Variants in LARS1 observed in about 807,000 individuals in gnomAD.
LARS1 encodes the protein leucyl-tRNA synthetase 1.
Under a neutral mutation model 162.8 loss-of-function variants are expected in LARS1, and 100 were observed. The ratio of observed to expected loss-of-function variants is 0.61; its 90% confidence interval spans 0.52 to 0.73. LARS1 has a LOEUF of 0.73. Among genes scored for constraint, LARS1 ranks in the 30% least tolerant of loss-of-function variants. The pLI is 0.00. For synonymous variants in LARS1, 457 were observed against 462.8 expected (o/e 0.99, Z 0.16); for missense variants, 1,258 against 1,408.9 (o/e 0.89, Z 1.71).
At chr5:146,135,978 A>C (rs949023938) in intron 21 of LARS1, among the ~76,000 whole-genome samples, 2 of 152,186 alleles carry the variant, frequency 1.3e-5, no homozygotes, top group Non-Finnish European at 2.9e-5. Context: ...ACTCTAGAAC[A>C]CCACCTGGTT....
chr5:146,179,483 T>C (rs1017841600), intron 1 of LARS1, among the ~76,000 whole-genome samples: 1 of 152,072 alleles, frequency 6.6e-6, no homozygotes, highest in African/African-American at 2.4e-5. Context: ...ATTTCTAATA[T>C]TTTTACAGAG....
At chr5:146,130,197 C>T (rs548773989) in intron 24 of LARS1, 39 bp from the exon 25 acceptor site, 2 of 1,587,374 alleles carry the variant, frequency 1.3e-6, no homozygotes, top group Non-Finnish European at 8.6e-7. Flanking sequence ...CCCTCACCTT[C>T]TTTAAAATAA....
At chr5:146,114,594 G>A (rs949148397) in intron 31 of LARS1, among the ~76,000 whole-genome samples, 5 of 151,794 alleles carry the variant, frequency 3.3e-5, no homozygotes, top group Admixed American at 6.6e-5. Flanking sequence ...AAATTAGCTG[G>A]GCCTGGTGAT....
In LARS1 at chr5:146,128,971, A is replaced by T. The variant is rs201994812; in HGVS notation, c.2769+7T>A. 6.2e-5 allele frequency: 97 copies of T among 1,573,842 alleles called. No homozygotes were observed. Among genetic ancestry groups the T allele is most frequent in the Admixed American group, 1.1e-4 (5 of 47,096 alleles). On this transcript the variant is annotated splice_region_variant and intron_variant, in intron 26 of 31. Transcript: ENST00000394434. ...ATCCTTTAAAAAAAAAAACAAAAAA[A>T]CTTTACCTTCCCTTTAGCTGGCATC...
At chr5:146,148,831 T>C (rs1018859409) in intron 15 of LARS1, among the ~76,000 whole-genome samples, 2 of 151,974 alleles carry the variant, frequency 1.3e-5, no homozygotes, top group Non-Finnish European at 2.9e-5. Flanking sequence ...ATCCCAGCAC[T>C]TTGGGAGGCC....
intron 6 of LARS1, among the ~76,000 whole-genome samples, chr5:146,161,753 CA>C (rs202231403): frequency 2.6e-3 from 340 of 130,090 alleles, no homozygotes; most frequent in Middle Eastern, 0.013. Flanking sequence ...AACTCCATCT[CA>C]AAAAAAAAAA....
chr5:146,164,436 G>A lies in LARS1; in HGVS notation c.468C>T (p.Tyr156=). 1 of 1,613,922 alleles carries A rather than the reference G, an allele frequency of 6.2e-7. No homozygotes were observed. ...KAAAKAGSSK[Y]QWGIMKSLGL... ...CAAGGGATTTCATAATGCCCCACTG[G>A]TATTTAGAAGATCCAGCTTTAGCAG... The change falls in exon 6 of 32, where the codon TAC becomes TAT. Residue 156 remains tyrosine, a synonymous_variant. Transcript: ENST00000394434.
chr5:146,121,530 T>C (rs753127838), intron 30 of LARS1, among the ~76,000 whole-genome samples: 3 of 152,102 alleles, frequency 2.0e-5, no homozygotes, highest in Non-Finnish European at 4.4e-5. Flanking sequence ...GGCACACATA[T>C]GTTTACTGCA....
chr5:146,130,189 C>T, intron 24 of LARS1, 31 bp from the exon 25 acceptor site: 1 of 1,599,188 alleles, frequency 6.3e-7, no homozygotes, highest in East Asian at 2.2e-5. Flanking sequence ...TACCATTTCC[C>T]TCACCTTCTT....
chr5:146,164,199 C>T, intron 6 of LARS1, 111 bp downstream of exon 6: 1 of 1,121,292 alleles, frequency 8.9e-7, no homozygotes, highest in Non-Finnish European at 1.3e-6. Flanking sequence ...AGGGTTGCCA[C>T]AAATCTTCAA....
At chr5:146,147,317 T>C (rs1753055464) in intron 15 of LARS1, among the ~76,000 whole-genome samples, 1 of 151,682 alleles carries the variant, frequency 6.6e-6, no homozygotes, top group African/African-American at 2.4e-5. Context: ...CCTGTAGTCC[T>C]AGCCACTCAA....
rs202210415 is a variant in LARS1 at position 146,132,815 on chromosome 5, AAG to A, written c.2396+81_2396+82del. On this transcript the variant is annotated intron_variant, in intron 23 of 31. Coordinates refer to ENST00000394434, the MANE Select transcript of LARS1 (RefSeq NM_020117.11). ...TTAGTTTATTTTATTAAAAAAAAAAAAGAAAAGAAAAGAAAAAGAAAACAAAA... is the reference window on the plus strand; with the variant it reads ...TTAGTTTATTTTATTAAAAAAAAAAAAAAAGAAAAGAAAAAGAAAACAAAA... 0.2 allele frequency: 192,346 copies of A among 955,226 alleles called. 11,481 individuals are homozygous for A. Among genetic ancestry groups the A allele is most frequent in the Admixed American group, 0.3 (10,724 of 36,248 alleles). The allele number at this position is 955,226 out of a possible 1,614,324, so 59.2% of individuals were successfully genotyped here.
intron 17 of LARS1, 28 bp downstream of exon 17, chr5:146,144,444 C>G (rs774267116): frequency 6.2e-7 from 1 of 1,603,088 alleles, no homozygotes; most frequent in Non-Finnish European, 8.5e-7. Context: ...TCTCCTTTTT[C>G]CTCCTTCATC....
rs559062119 is a variant in LARS1 at position 146,177,240 on chromosome 5, G to C, written c.125+307C>G. ...CCAGGACTTTGGGAGGCCGAGGCGG[G>C]TGGATCACGAGGTCAGAAGATCGAG... On this transcript the variant is annotated intron_variant, in intron 2 of 31. Coordinates refer to ENST00000394434, the MANE Select transcript of LARS1 (RefSeq NM_020117.11). Among the ~76,000 whole-genome samples the C allele has an allele frequency of 2.0e-5, 3 of 152,058 alleles. No individual in the cohort carries two copies. The South Asian group carries it at 6.2e-4, about 32-fold the overall frequency.
intron 16 of LARS1, 30 bp downstream of exon 16, chr5:146,144,594 A>G (rs762767324): frequency 6.2e-7 from 1 of 1,612,408 alleles, no homozygotes; most frequent in Admixed American, 1.7e-5. Flanking sequence ...CAAATTGACT[A>G]GGGGAATTTT....
At chr5:146,176,971 A>T (rs1000346860) in intron 2 of LARS1, among the ~76,000 whole-genome samples, 1 of 152,212 alleles carries the variant, frequency 6.6e-6, no homozygotes, top group Non-Finnish European at 1.5e-5. Context: ...AAATATTTAA[A>T]ATACTGTAGT....
At chr5:146,176,228 C>T (rs1302467698) in intron 2 of LARS1, among the ~76,000 whole-genome samples, 3 of 151,620 alleles carry the variant, frequency 2.0e-5, no homozygotes, top group Non-Finnish European at 2.9e-5. Context: ...CTGAGGTGGG[C>T]GGATCACGAG....
chr5:146,182,627 G>T lies in LARS1; in HGVS notation c.-134C>A. 1 of 1,209,230 alleles carries T rather than the reference G, an allele frequency of 8.3e-7. No homozygotes were observed. Among genetic ancestry groups the T allele is most frequent in the Non-Finnish European group, 1.2e-6 (1 of 822,390 alleles). The allele number at this position is 1,209,230 out of a possible 1,614,324, so 74.9% of individuals were successfully genotyped here. A position where few individuals can be genotyped will look rare whatever the true frequency, so the allele number is the denominator to read the frequency against. On this transcript the variant is annotated 5_prime_UTR_variant, in exon 1 of 32. An upstream open reading frame in the 5' UTR gains an earlier in-frame stop. Transcript: ENST00000394434. ...CTAAAGCACACGCTTCACACCTGCT[G>T]AGGCAATCATCCGGCTCCTTACTAA... is the stretch of plus-strand genomic sequence containing the variant.
In LARS1 at chr5:146,131,010, A is replaced by G; in HGVS notation, c.2487+9T>C. 6.7e-7 allele frequency: 1 copy of G among 1,503,102 alleles called. No homozygotes were observed. The highest frequency in any genetic ancestry group is 2.3e-5 in the East Asian group (1 of 43,732). The allele number at this position is 1,503,102 out of a possible 1,614,324, so 93.1% of individuals were successfully genotyped here. A position where few individuals can be genotyped will look rare whatever the true frequency, so the allele number is the denominator to read the frequency against. ...TGTTTTATAGCTACCAAAAGAATCA[A>G]CAGCCTACCTGAAACTCAAAAAACC... On this transcript the variant is annotated intron_variant, in intron 24 of 31. Transcript: ENST00000394434.
Sources: gnomAD v4.1 joint callset for allele counts (sites outside exome capture counted in the v4.1 genomes callset) on GRCh38, gnomAD v4.1.1 for gene constraint, MANE v1.5 for transcripts, NCBI Gene and HGNC (gene_info 2026-07-23, HGNC 2026-07-21) for gene names.